Variants in NTM observed in about 807,000 individuals in gnomAD.
NTM encodes neurotrimin, also known as IgLON family member 2.
Under a neutral mutation model 42.1 loss-of-function variants are expected in NTM, and 13 were observed. The observed-to-expected ratio is 0.31, with a 90% confidence interval of 0.20 to 0.49. NTM has a LOEUF of 0.49. NTM is among the 20% of genes least tolerant of loss of function. The probability of loss-of-function intolerance (pLI) is 0.99; values close to 1 mark genes in which losing one functional copy is unlikely to be tolerated. For synonymous variants in NTM, 187 were observed against 179.2 expected (o/e 1.04, Z -0.35); for missense variants, 373 against 452.8 (o/e 0.82, Z 1.60).
At chr11:132,202,433 G>A (rs1036066681) in intron 3 of NTM, among the ~76,000 whole-genome samples, 1 of 152,106 alleles carries the variant, frequency 6.6e-6, no homozygotes, top group Non-Finnish European at 1.5e-5. Context: ...CAGTCATATA[G>A]CCCCAACCCA....
At chr11:131,580,722 G>A (rs1001363179) in intron 1 of NTM, among the ~76,000 whole-genome samples, 2 of 152,182 alleles carry the variant, frequency 1.3e-5, no homozygotes, top group African/African-American at 4.8e-5. Flanking sequence ...CTTTTCTGAT[G>A]TCTGAAATCA....
At chr11:131,957,485 T>C (rs1304943771) in intron 2 of NTM, among the ~76,000 whole-genome samples, 1 of 152,162 alleles carries the variant, frequency 6.6e-6, no homozygotes, top group African/African-American at 2.4e-5. Context: ...AAAATTTTTC[T>C]TAATGTTCAC....
At chr11:132,114,823 A>G (rs909669370) in intron 2 of NTM, among the ~76,000 whole-genome samples, 1 of 152,214 alleles carries the variant, frequency 6.6e-6, no homozygotes, top group Non-Finnish European at 1.5e-5. Context: ...ACAAATGCCT[A>G]CATTTTCTTT....
chr11:131,822,659 A>T (rs571903216), intron 1 of NTM, among the ~76,000 whole-genome samples: 3 of 152,322 alleles, frequency 2.0e-5, no homozygotes, highest in African/African-American at 7.2e-5. Flanking sequence ...CATGGTGTCA[A>T]TGTAATGTGT....
chr11:131,734,098 C>A (rs538356957), intron 1 of NTM, among the ~76,000 whole-genome samples: 20 of 152,228 alleles, frequency 1.3e-4, no homozygotes, highest in African/African-American at 4.8e-4. Flanking sequence ...AACAAAGAGA[C>A]CCTCCAGTGG....
chr11:131,412,010 C>G (rs117765396), intron 1 of NTM, among the ~76,000 whole-genome samples: 2 of 152,192 alleles, frequency 1.3e-5, no homozygotes, highest in Non-Finnish European at 2.9e-5. Flanking sequence ...CCCAGACCTA[C>G]GTGGACCCTT....
intron 1 of NTM, among the ~76,000 whole-genome samples, chr11:131,567,556 A>G (rs924869619): frequency 3.3e-5 from 5 of 152,168 alleles, no homozygotes; most frequent in Non-Finnish European, 5.9e-5. Flanking sequence ...GGAAAGCCTA[A>G]AAGACGTGTC....
At chr11:132,121,041 A>G (rs1306625523) in intron 2 of NTM, among the ~76,000 whole-genome samples, 1 of 152,182 alleles carries the variant, frequency 6.6e-6, no homozygotes, top group African/African-American at 2.4e-5. Context: ...GGTCACCTTG[A>G]TATGCTCATC....
intron 1 of NTM, among the ~76,000 whole-genome samples, chr11:131,905,804 C>A (rs958098680): frequency 6.6e-6 from 1 of 152,122 alleles, no homozygotes; most frequent in Non-Finnish European, 1.5e-5. Flanking sequence ...TGATGAAGGG[C>A]TTCCCAATAT....
chr11:131,978,126 T>C (rs982037050), intron 2 of NTM, among the ~76,000 whole-genome samples: 12 of 152,110 alleles, frequency 7.9e-5, no homozygotes, highest in African/African-American at 2.9e-4. Context: ...AGAGCGCATA[T>C]CATCTATTCA....
chr11:131,376,267 C>CT (rs1231578099), intron 1 of NTM, among the ~76,000 whole-genome samples: 1 of 152,228 alleles, frequency 6.6e-6, no homozygotes, highest in Admixed American at 6.5e-5. Context: ...CTCTCACACT[C>CT]TAATTTTCCA....
chr11:132,071,258 C>T (rs1186355084), intron 2 of NTM, among the ~76,000 whole-genome samples: 4 of 129,990 alleles, frequency 3.1e-5, no homozygotes, highest in Admixed American at 7.6e-5. Flanking sequence ...CAAGTTAACA[C>T]GTCACACTGA....
intron 1 of NTM, among the ~76,000 whole-genome samples, chr11:131,446,675 C>T (rs866862543): frequency 5.9e-5 from 9 of 152,284 alleles, no homozygotes; most frequent in South Asian, 4.1e-4. Context: ...ATGTAGAAGT[C>T]GTAAGTTCTT....
intron 2 of NTM, among the ~76,000 whole-genome samples, chr11:132,070,409 G>A (rs1261059861): frequency 2.3e-5 from 3 of 128,702 alleles, no homozygotes; most frequent in African/African-American, 5.9e-5. Context: ...AAGTTAACAC[G>A]TCAAACTGAC....
intron 1 of NTM, among the ~76,000 whole-genome samples, chr11:131,376,178 C>A (rs544324247): frequency 6.6e-5 from 10 of 152,170 alleles, no homozygotes; most frequent in African/African-American, 1.2e-4. Flanking sequence ...GGGAGGCCAA[C>A]GGACCATGGG....
intron 2 of NTM, among the ~76,000 whole-genome samples, chr11:132,122,037 G>C (rs1315974699): frequency 6.6e-6 from 1 of 152,154 alleles, no homozygotes; most frequent in Non-Finnish European, 1.5e-5. Flanking sequence ...AAACTGAAAG[G>C]GGAGCACCTA....
chr11:131,993,116 G>C (rs2067321683), intron 2 of NTM, among the ~76,000 whole-genome samples: 1 of 152,138 alleles, frequency 6.6e-6, no homozygotes, highest in Admixed American at 6.6e-5. Context: ...AAGAAATTTA[G>C]AAGAGAGGAA....
intron 1 of NTM, among the ~76,000 whole-genome samples, chr11:131,761,948 G>A (rs1290469083): frequency 1.3e-5 from 2 of 152,166 alleles, no homozygotes; most frequent in Non-Finnish European, 2.9e-5. Flanking sequence ...CAATGGGAAG[G>A]CAGCTGTCTG....
At chr11:131,404,338 C>T (rs1305232648) in intron 1 of NTM, among the ~76,000 whole-genome samples, 3 of 152,208 alleles carry the variant, frequency 2.0e-5, no homozygotes, top group Non-Finnish European at 4.4e-5. Context: ...ATGACCCTTT[C>T]TGTCTTTGTG....
Sources: allele counts gnomAD v4.1 joint callset (sites outside exome capture counted in the v4.1 genomes callset), GRCh38; gene constraint gnomAD v4.1.1; transcripts MANE v1.5; gene names NCBI Gene and HGNC (gene_info 2026-07-23, HGNC 2026-07-21).